Variants in ZNF585A observed in about 807,000 individuals in gnomAD.
ZNF585A encodes the protein zinc finger protein 585A.
Under a neutral mutation model 14.9 loss-of-function variants are expected in ZNF585A, and 9 were observed. The ratio of observed to expected loss-of-function variants is 0.60; its 90% CI spans 0.36 to 1.05. The LOEUF (loss-of-function observed/expected upper bound fraction) is 1.05. ZNF585A is among the 50% of genes least tolerant of loss of function. The pLI is 0.01. For synonymous variants in ZNF585A, 276 were observed against 319.9 expected, an observed-to-expected ratio of 0.86 and a Z score of 1.46; for missense variants, 726 against 926.4, an observed-to-expected ratio of 0.78 and a Z score of 2.81.
chr19:37,167,591 T>TG (rs1972114547), intron 2 of ZNF585A, among the ~76,000 whole-genome samples: 1 of 123,732 alleles, frequency 8.1e-6, no homozygotes, highest in African/African-American at 3.9e-5. Flanking sequence ...ACTTTTTATT[T>TG]TTATTTTATT....
chr19:37,146,948 CAT>C lies in ZNF585A; in HGVS notation c.*4639_*4640del, dbSNP rs10590618. 33,028 of 136,352 alleles carry C rather than the reference CAT, an allele frequency of 0.24. 4,595 individuals are homozygous for C. The highest frequency in any genetic ancestry group is 0.43 in the African/African-American group (16,537 of 38,532). The allele number at this position is 136,352 out of a possible 1,614,324, so 8.4% of individuals were successfully genotyped here. A position where few individuals can be genotyped will look rare whatever the true frequency, so the allele number is the denominator to read the frequency against. ...AACCCACCCCACCAACTTCCCCACA[CAT>C]GTTACCAATCTGTGCGGGGCATCTG... is the stretch of plus-strand genomic sequence containing the variant. On this transcript the variant is annotated 3_prime_UTR_variant, in exon 5 of 5. Coordinates refer to ENST00000292841, the MANE Select transcript of ZNF585A (RefSeq NM_001288800.2).
At chr19:37,168,198 T>C (rs1400966606) in intron 2 of ZNF585A, among the ~76,000 whole-genome samples, 2 of 152,232 alleles carry the variant, frequency 1.3e-5, no homozygotes, top group South Asian at 2.1e-4. Context: ...TAAATTCCTT[T>C]TGACCTGTTC....
rs1335678732 is a variant in ZNF585A at position 37,149,542 on chromosome 19, T to A, written c.*2047A>T. 1 of 152,138 alleles carries A rather than the reference T, an allele frequency of 6.6e-6. No individual in the cohort carries two copies. Among genetic ancestry groups the A allele is most frequent in the African/African-American group, 2.4e-5 (1 of 41,414 alleles). 9.4% of individuals were successfully genotyped at this position (152,138 alleles called of 1,614,324 possible). On this transcript the variant is annotated 3_prime_UTR_variant, in exon 5 of 5. Coordinates refer to ENST00000292841, the MANE Select transcript of ZNF585A (RefSeq NM_001288800.2). ...TTGGGCCCTGCTGGCTTGGATCCCATCCATCATGTGACCCAAAAAAAGTCA... is the reference window on the plus strand; with the variant it reads ...TTGGGCCCTGCTGGCTTGGATCCCAACCATCATGTGACCCAAAAAAAGTCA...
chr19:37,159,101 T>G (rs950061676), intron 2 of ZNF585A, among the ~76,000 whole-genome samples: 5 of 151,552 alleles, frequency 3.3e-5, no homozygotes, highest in African/African-American at 9.7e-5. Flanking sequence ...ATACAAAAAT[T>G]AGCTGGGTGT....
At chr19:37,159,248 CAAAAA>C (rs768272181) in intron 2 of ZNF585A, among the ~76,000 whole-genome samples, 2,407 of 69,314 alleles carry the variant, frequency 0.035, 78 homozygotes, top group African/African-American at 0.11. Context: ...GACTCCATCT[CAAAAA>C]AAAAAAAAAA....
Position 37,147,801 on chromosome 19 carries a change from C to T in ZNF585A, c.*3788G>A, listed in dbSNP as rs888626457. 1.3e-5 allele frequency: 2 copies of T among 152,096 alleles called. No individual in the cohort carries two copies. Among genetic ancestry groups the T allele is most frequent in the African/African-American group, 4.8e-5 (2 of 41,430 alleles). 9.4% of individuals were successfully genotyped at this position (152,096 alleles called of 1,614,324 possible). On this transcript the variant is annotated 3_prime_UTR_variant, in exon 5 of 5. Coordinates refer to ENST00000292841, the MANE Select transcript of ZNF585A (RefSeq NM_001288800.2). ...GTAATTCAAGTTATCACATGGTTTA[C>T]CTAAAATACAACAGCACTTTTGAGA...
intron 2 of ZNF585A, 54 bp downstream of exon 2, chr19:37,169,785 G>A: frequency 1.3e-6 from 2 of 1,599,116 alleles, no homozygotes; most frequent in Non-Finnish European, 1.7e-6. Context: ...TGACAGACCA[G>A]AGATACCTAG....
intron 1 of ZNF585A, among the ~76,000 whole-genome samples, chr19:37,171,031 A>G (rs1336219551): frequency 6.6e-6 from 1 of 152,250 alleles, no homozygotes. Context: ...ATGAGTGTGC[A>G]TAAGACATTC....
chr19:37,167,589 T>TTTATTTTATTTTATTTTA (rs1555777111), intron 2 of ZNF585A, among the ~76,000 whole-genome samples: 1 of 144,086 alleles, frequency 6.9e-6, no homozygotes, highest in African/African-American at 2.7e-5. Context: ...TTACTTTTTA[T>TTTATTTTATTTTATTTTA]TTTTATTTTA....
chr19:37,168,365 T>C (rs1289913662), intron 2 of ZNF585A, among the ~76,000 whole-genome samples: 1 of 152,134 alleles, frequency 6.6e-6, no homozygotes, highest in South Asian at 2.1e-4. Flanking sequence ...CATGGTGTTC[T>C]CCATGGCGCT....
chr19:37,156,113 T>C, intron 3 of ZNF585A, 116 bp downstream of exon 3: 1 of 1,555,904 alleles, frequency 6.4e-7, no homozygotes, highest in East Asian at 2.3e-5. Context: ...TAAAGAATCC[T>C]AGACAAATCA....
At chr19:37,160,289 C>T (rs1385974157) in intron 2 of ZNF585A, among the ~76,000 whole-genome samples, 1 of 151,508 alleles carries the variant, frequency 6.6e-6, no homozygotes, top group African/African-American at 2.4e-5. Context: ...ATGTAGTGAG[C>T]TGAGATGGCA....
chr19:37,151,923 T>G lies in ZNF585A; in HGVS notation c.1976A>C (p.Glu659Ala). The G allele has an allele frequency of 6.2e-7, 1 of 1,613,538 alleles. No homozygotes were observed. The change falls in exon 5 of 5, where the codon GAA (glutamate) becomes GCA (alanine). Residue 659 changes from glutamate (E) to alanine (A), a missense_variant. Glu to Ala is a moderately radical substitution (Grantham distance 107). This residue lies in a region of ZNF585A where 243 missense variants were observed against 383.6 expected (regional missense o/e 0.63). Transcript: ENST00000292841. ...LSKHQKTHTG[E>A]KPYICSECGK... is the part of the protein sequence containing the mutation. ...ACATTCAGAACAAATGTAGGGCTTT[T>G]CTCCGGTATGAGTTTTCTGGTGCTT... is the stretch of plus-strand genomic sequence containing the variant.
At chr19:37,171,058 T>G (rs1972173295) in intron 1 of ZNF585A, among the ~76,000 whole-genome samples, 1 of 152,190 alleles carries the variant, frequency 6.6e-6, no homozygotes, top group South Asian at 2.1e-4. Flanking sequence ...TAAATGGCAG[T>G]GATATAATGC....
rs771779463 is a variant in ZNF585A at position 37,152,633 on chromosome 19, C to A, written c.1266G>T (p.Lys422Asn). ...TTATTTGATGTGCAATCAAGTGTGC[C>A]TTCTGAATGAAGGCCAGTCCACATT... Reference protein sequence around the residue: ...CMKCGLAFIQKAHLIAHQIIH... With the variant: ...CMKCGLAFIQNAHLIAHQIIH... The change falls in exon 5 of 5, where the codon AAG becomes AAT. Residue 422 changes from lysine to asparagine, a missense_variant. Coordinates refer to ENST00000292841, the MANE Select transcript of ZNF585A (RefSeq NM_001288800.2). The A allele has an allele frequency of 1.9e-6, 3 of 1,614,040 alleles. No individual in the cohort carries two copies. Among genetic ancestry groups the A allele is most frequent in the Non-Finnish European group, 2.5e-6 (3 of 1,179,982 alleles).
chr19:37,156,347 C>T lies in ZNF585A; in HGVS notation c.81G>A (p.Val27=), dbSNP rs760785486. 1.2e-6 allele frequency: 2 copies of T among 1,614,154 alleles called. No homozygotes were observed. Among genetic ancestry groups the T allele is most frequent in the Non-Finnish European group, 1.7e-6 (2 of 1,180,024 alleles). The change falls in exon 3 of 5, where the codon GTG becomes GTA. Residue 27 remains valine, a synonymous_variant. Coordinates refer to ENST00000292841, the MANE Select transcript of ZNF585A (RefSeq NM_001288800.2). ...EDHGSSYEGS[V]SFRDVAIDFS... Reference sequence around the variant, plus strand: ...AATCGATAGCCACATCCCTGAAGGACACTGATCCCTGTAAGGGCAAATTCT... The same window carrying T: ...AATCGATAGCCACATCCCTGAAGGATACTGATCCCTGTAAGGGCAAATTCT...
At chr19:37,163,245 C>T (rs549713602) in intron 2 of ZNF585A, among the ~76,000 whole-genome samples, 1 of 150,156 alleles carries the variant, frequency 6.7e-6, no homozygotes, top group East Asian at 2.0e-4. Flanking sequence ...TACAAAGATG[C>T]TATGAGTAAA....
chr19:37,163,600 TA>T (rs1264668389), intron 2 of ZNF585A, among the ~76,000 whole-genome samples: 1 of 152,042 alleles, frequency 6.6e-6, no homozygotes, highest in African/African-American at 2.4e-5. Flanking sequence ...AGGAGTTTAA[TA>T]AAAACATCCA....
intron 2 of ZNF585A, among the ~76,000 whole-genome samples, chr19:37,167,653 G>A (rs539426960): frequency 4.1e-5 from 6 of 145,672 alleles, no homozygotes; most frequent in South Asian, 2.1e-4. Flanking sequence ...ATGGAGTCTC[G>A]CCCTGTCGCC....
Sources: gnomAD v4.1 joint callset for allele counts (sites outside exome capture counted in the v4.1 genomes callset) on GRCh38, gnomAD v4.1.1 for gene constraint, gnomAD v4.1.1 regional missense constraint, MANE v1.5 for transcripts, NCBI Gene and HGNC (gene_info 2026-07-23, HGNC 2026-07-21) for gene names.